ATP2B1: variants seen among roughly 807,000 people sequenced by gnomAD.
ATP2B1 encodes ATPase plasma membrane Ca2+ transporting 1, also known as plasma membrane calcium-transporting ATPase 1.
In ATP2B1, 14 loss-of-function variants were observed where a neutral mutation model predicts 124.2. That is an observed-to-expected ratio of 0.11 (90% confidence interval 0.07 to 0.18). The LOEUF (loss-of-function observed/expected upper bound fraction) is 0.18. ATP2B1 is among the 10% of genes least tolerant of loss of function. The pLI is 1.00. For missense variants in ATP2B1, 763 were observed against 1,466.1 expected (o/e 0.52, Z 7.83); for synonymous variants, 449 against 492.4 (o/e 0.91, Z 1.17).
At chr12:89,602,682 T>A (rs1465743621) in intron 18 of ATP2B1, among the ~76,000 whole-genome samples, 1 of 152,154 alleles carries the variant, frequency 6.6e-6, no homozygotes, top group Non-Finnish European at 1.5e-5. Context: ...GTGATCTTAA[T>A]TTTTTTTAAA....
upstream of ATP2B1, chr12:89,709,172 G>C (rs1000772347): frequency 2.6e-5 from 4 of 151,246 alleles, no homozygotes; most frequent in East Asian, 3.9e-4. Context: ...TCTGCACCGG[G>C]TGGCCTGCAA....
At chr12:89,660,561 G>A (rs973142315) in intron 1 of ATP2B1, among the ~76,000 whole-genome samples, 4 of 152,156 alleles carry the variant, frequency 2.6e-5, no homozygotes, top group Non-Finnish European at 5.9e-5. Flanking sequence ...GGCCAGGAAC[G>A]TAATATCTAA....
chr12:89,604,456 A>G, intron 15 of ATP2B1, 110 bp from the exon 16 acceptor site: 1 of 736,938 alleles, frequency 1.4e-6, no homozygotes, highest in East Asian at 2.9e-5. Flanking sequence ...CCTAATAAAT[A>G]TTACTTAAAT....
chr12:89,679,948 G>A (rs1889133049), intron 1 of ATP2B1, among the ~76,000 whole-genome samples: 2 of 151,912 alleles, frequency 1.3e-5, no homozygotes, highest in Non-Finnish European at 2.9e-5. Context: ...TGGCAGTAAA[G>A]GAAAAGAAGA....
intron 1 of ATP2B1, among the ~76,000 whole-genome samples, chr12:89,672,485 A>G (rs1888115632): frequency 6.6e-6 from 1 of 152,144 alleles, no homozygotes; most frequent in Non-Finnish European, 1.5e-5. Flanking sequence ...AAAGGAAGAA[A>G]AAGAAACTGG....
chr12:89,669,595 A>G (rs1031458967), intron 1 of ATP2B1, among the ~76,000 whole-genome samples: 2 of 152,198 alleles, frequency 1.3e-5, no homozygotes, highest in African/African-American at 4.8e-5. Flanking sequence ...GAGCAGATTA[A>G]ATGAATTACC....
Position 89,655,669 on chromosome 12 carries a change from T to C in ATP2B1, c.208+10A>G, listed in dbSNP as rs1163050319. ...CACAAAGAACCAAAAACAAGCATAA[T>C]AAAACTCACCTTCATTGGGAGATGT... is the stretch of plus-strand genomic sequence containing the variant. On this transcript the variant is annotated intron_variant, in intron 2 of 20. Transcript: ENST00000428670. 2.5e-6 allele frequency: 4 copies of C among 1,612,610 alleles called. No homozygotes were observed. The highest frequency in any genetic ancestry group is 3.4e-6 in the Non-Finnish European group (4 of 1,178,802).
At chr12:89,613,926 T>C (rs1878500099) in intron 12 of ATP2B1, among the ~76,000 whole-genome samples, 1 of 152,204 alleles carries the variant, frequency 6.6e-6, no homozygotes, top group African/African-American at 2.4e-5. Context: ...TCCACCAGAA[T>C]TGCACTGTAC....
At chr12:89,647,239 G>A (rs1273274375) in intron 2 of ATP2B1, among the ~76,000 whole-genome samples, 22 of 152,134 alleles carry the variant, frequency 1.4e-4, no homozygotes, top group Admixed American at 1.3e-3. Context: ...TCTTCTTATG[G>A]CCCAGTTAAC....
At chr12:89,668,743 C>T (rs1887587272) in intron 1 of ATP2B1, among the ~76,000 whole-genome samples, 1 of 152,162 alleles carries the variant, frequency 6.6e-6, no homozygotes, top group South Asian at 2.1e-4. Context: ...AGAGGAGGTA[C>T]TGATACTGAC....
chr12:89,666,043 G>A (rs1023875722), intron 1 of ATP2B1, among the ~76,000 whole-genome samples: 8 of 152,178 alleles, frequency 5.3e-5, no homozygotes, highest in East Asian at 1.9e-4. Flanking sequence ...TCTTTATCTC[G>A]TTCTATTTAT....
chr12:89,684,996 T>C (rs1194712648), intron 1 of ATP2B1, among the ~76,000 whole-genome samples: 5 of 152,182 alleles, frequency 3.3e-5, no homozygotes, highest in East Asian at 1.9e-4. Context: ...AAAAAGTTTG[T>C]TGAAATTAAG....
chr12:89,699,022 T>C (rs1050928540), intron 1 of ATP2B1, among the ~76,000 whole-genome samples: 1 of 152,196 alleles, frequency 6.6e-6, no homozygotes, highest in Non-Finnish European at 1.5e-5. Context: ...GAGGGAAAGA[T>C]ATCTGGGTAT....
In ATP2B1 at chr12:89,591,179, C is replaced by T. The variant is rs1474229555; in HGVS notation, c.3468G>A (p.Glu1156=). The T allele has an allele frequency of 6.2e-7, 1 of 1,613,140 alleles. No homozygotes were observed. Among genetic ancestry groups the T allele is most frequent in the African/African-American group, 1.3e-5 (1 of 74,844 alleles). ...THPEFRIEDS[E]PHIPLIDDTD... is the part of the protein sequence containing the mutation. ...TGTCATCAATAAGGGGGATATGAGG[C>T]TCTGAATCTTCTATCCTAAACTCAG... is the stretch of plus-strand genomic sequence containing the variant. Residue 1156 remains glutamate (E), a synonymous_variant, in exon 21 of 21, where the codon GAG becomes GAA. Transcript: ENST00000428670.
intron 1 of ATP2B1, among the ~76,000 whole-genome samples, chr12:89,695,867 T>A (rs1406068291): frequency 6.6e-6 from 1 of 152,224 alleles, no homozygotes; most frequent in African/African-American, 2.4e-5. Flanking sequence ...TTCCAATCTT[T>A]GTGTCATTTA....
At chr12:89,622,781 C>G (rs1343445901) in intron 9 of ATP2B1, among the ~76,000 whole-genome samples, 1 of 152,018 alleles carries the variant, frequency 6.6e-6, no homozygotes, top group East Asian at 1.9e-4. Flanking sequence ...GTGAAAAGAA[C>G]AGTAATTGGT....
intron 3 of ATP2B1, among the ~76,000 whole-genome samples, chr12:89,636,998 C>T (rs1048182161): frequency 2.4e-4 from 36 of 152,190 alleles, no homozygotes; most frequent in African/African-American, 8.2e-4. Flanking sequence ...AGGAGATTAA[C>T]TCTGAATTAG....
chr12:89,604,657 C>G (rs567684547), intron 15 of ATP2B1, among the ~76,000 whole-genome samples: 16 of 151,982 alleles, frequency 1.1e-4, no homozygotes, highest in Non-Finnish European at 1.5e-5. Context: ...TAATAAAAAG[C>G]AAACAAACTC....
At chr12:89,672,410 C>G (rs575584583) in intron 1 of ATP2B1, among the ~76,000 whole-genome samples, 1 of 152,030 alleles carries the variant, frequency 6.6e-6, no homozygotes, top group African/African-American at 2.4e-5. Context: ...GCTGATATCA[C>G]GCTACTGCAC....
Sources: gnomAD v4.1 joint callset for allele counts (sites outside exome capture counted in the v4.1 genomes callset) on GRCh38, gnomAD v4.1.1 for gene constraint, MANE v1.5 for transcripts, NCBI Gene and HGNC (gene_info 2026-07-23, HGNC 2026-07-21) for gene names.